The following FER1L5 variants were observed in gnomAD, a reference collection of about 807,000 sequenced individuals.
The protein encoded by FER1L5 is fer-1 like family member 5, also known as fer-1-like protein 5.
In FER1L5, 187 loss-of-function variants were observed where a neutral mutation model predicts 279.9. The ratio of observed to expected loss-of-function variants is 0.67; its 90% confidence interval spans 0.59 to 0.75. The LOEUF (loss-of-function observed/expected upper bound fraction) is 0.75. Ranked by LOEUF, FER1L5 falls within the 30% of genes least tolerant of loss-of-function variation. The pLI is 0.00. For missense variants in FER1L5, 2,091 were observed against 2,594.4 expected, an observed-to-expected ratio of 0.81 and a Z score of 4.21; for synonymous variants, 921 against 989.7, an observed-to-expected ratio of 0.93 and a Z score of 1.30.
rs936225270 is a variant in FER1L5 at position 96,693,904 on chromosome 2, C to T, written c.3475-7C>T. The T allele has an allele frequency of 2.6e-6, 4 of 1,541,540 alleles. No homozygotes were observed. Among genetic ancestry groups the T allele is most frequent in the African/African-American group, 2.7e-5 (2 of 72,848 alleles). The stretch of plus-strand genomic sequence containing the variant: ...GCCTCCATGCTTTGTGAACTTCCCC[C>T]CTCCAGGGCAAGGAGAGCTTGTGGG... On this transcript the variant is annotated splice_polypyrimidine_tract_variant and splice_region_variant and intron_variant, in intron 32 of 52. Transcript: ENST00000624922.
rs758757945 is a variant in FER1L5 at position 96,691,239 on chromosome 2, G to C, written c.2793G>C (p.Trp931Cys). The change falls in exon 28 of 53, where the codon TGG becomes TGC. Residue 931 changes from tryptophan to cysteine, a missense_variant. Coordinates refer to ENST00000624922, the MANE Select transcript of FER1L5 (RefSeq NM_001293083.2). This position sits in a 1 kb window ranked among gnomAD's most constrained non-coding sequence, Gnocchi z 6.0. ...CACCGTCGGGCCTGCCCCAGGTCTGGAGCCCGGTGGAGAAGACCTACCACT... is the reference window on the plus strand; with the variant it reads ...CACCGTCGGGCCTGCCCCAGGTCTGCAGCCCGGTGGAGAAGACCTACCACT... ...GIPPSGLPQV[W>C]SPVEKTYHSC... The C allele has an allele frequency of 6.5e-7, 1 of 1,550,366 alleles. No homozygotes were observed. The highest frequency in any genetic ancestry group is 1.2e-5 in the South Asian group (1 of 84,040).
Position 96,691,555 on chromosome 2 carries a change from G to C in FER1L5, c.3018G>C (p.Arg1006Ser), listed in dbSNP as rs746967232. 1.2e-5 allele frequency: 18 copies of C among 1,549,142 alleles called. No individual in the cohort carries two copies. In the East Asian group the frequency reaches 1.7e-4, roughly 15 times the overall value. Residue 1006 changes from arginine to serine, a missense_variant, in exon 29 of 53, where the codon AGG becomes AGC. Coordinates refer to ENST00000624922, the MANE Select transcript of FER1L5 (RefSeq NM_001293083.2). This position sits in a 1 kb window ranked among gnomAD's most constrained non-coding sequence, Gnocchi z 6.0. The stretch of plus-strand genomic sequence containing the variant: ...TCCGCCGCCGCTGCTGGCGCCGCAG[G>C]CTGGCCCCCAACAAGGACAAGGGCA... Reference protein sequence around the residue: ...SRFRRRCWRRRLAPNKDKGIA... With the variant: ...SRFRRRCWRRSLAPNKDKGIA...
rs1458232124 is a variant in FER1L5, at chr2:96,691,627, G to C, written c.3075+15G>C. On this transcript the variant is annotated intron_variant, in intron 29 of 52. Transcript: ENST00000624922. This position sits in a 1 kb window ranked among gnomAD's most constrained non-coding sequence, Gnocchi z 6.0. Reference sequence around the variant, plus strand: ...AGGGGTCCTTGGTAAAGCCTCACAGGCTGGGTGATGCCTGCCTGTAACCCC... The same window carrying C: ...AGGGGTCCTTGGTAAAGCCTCACAGCCTGGGTGATGCCTGCCTGTAACCCC... 2 of 1,511,414 alleles carry C rather than the reference G, an allele frequency of 1.3e-6. No individual in the cohort carries two copies. The highest frequency in any genetic ancestry group is 2.6e-5 in the South Asian group (2 of 77,406). 93.6% of individuals were successfully genotyped at this position (1,511,414 alleles called of 1,614,324 possible). A position where few individuals can be genotyped will look rare whatever the true frequency, so the allele number is the denominator to read the frequency against.
intron 19 of FER1L5, among the ~76,000 whole-genome samples, chr2:96,673,607 T>C (rs1306681720): frequency 1.3e-5 from 2 of 152,022 alleles, no homozygotes; most frequent in Admixed American, 6.6e-5. Flanking sequence ...ATTCAGCCAC[T>C]CAACTCCCAC....
chr2:96,687,877 T>G lies in FER1L5; in HGVS notation c.2291T>G (p.Leu764Arg). ...GCTCACCTCCGGGTCTGCATGTGGC[T>G]TGGCAATGTCACAGACAGCAAGGAC... The part of the protein sequence containing the change: ...LPAHLRVCMW[L>R]GNVTDSKDLQ... The change falls in exon 24 of 53, where the codon CTT becomes CGT. Residue 764 changes from leucine (L) to arginine (R), a missense_variant. By Grantham distance (102) the Leu-to-Arg change is moderately radical. Transcript: ENST00000624922. 1 of 1,551,202 alleles carries G rather than the reference T, an allele frequency of 6.4e-7. No individual in the cohort carries two copies. The highest frequency in any genetic ancestry group is 8.7e-7 in the Non-Finnish European group (1 of 1,146,958).
intron 19 of FER1L5, among the ~76,000 whole-genome samples, chr2:96,674,090 C>T (rs1173861790): frequency 2.0e-5 from 3 of 152,216 alleles, no homozygotes; most frequent in East Asian, 1.9e-4. Context: ...TTCACAGAGT[C>T]GTACAACCAT....
chr2:96,674,508 G>A (rs946233742), intron 19 of FER1L5, among the ~76,000 whole-genome samples: 1 of 152,176 alleles, frequency 6.6e-6, no homozygotes, highest in African/African-American at 2.4e-5. Flanking sequence ...ACAGGCGTGA[G>A]CCACCGCACC....
At chr2:96,687,132 C>T (rs2076961495) in intron 23 of FER1L5, among the ~76,000 whole-genome samples, 1 of 152,186 alleles carries the variant, frequency 6.6e-6, no homozygotes, top group African/African-American at 2.4e-5. Flanking sequence ...CACTCCCTCC[C>T]CCTTCAGAGA....
intron 45 of FER1L5, among the ~76,000 whole-genome samples, chr2:96,701,128 C>T (rs1221027843): frequency 6.6e-6 from 1 of 152,182 alleles, no homozygotes; most frequent in Non-Finnish European, 1.5e-5. Flanking sequence ...CCCTGGCCAA[C>T]ATGGCAAAAC....
chr2:96,703,842 G>C (rs1197271253), intron 51 of FER1L5, among the ~76,000 whole-genome samples: 1 of 84,178 alleles, frequency 1.2e-5, no homozygotes, highest in Non-Finnish European at 2.2e-5. Context: ...TGAGATAATT[G>C]TCTCACTCTG....
rs923919248 is a variant in FER1L5, at chr2:96,685,963, A to G, written c.1919A>G (p.Tyr640Cys). The G allele has an allele frequency of 6.5e-7, 1 of 1,548,062 alleles. No individual in the cohort carries two copies. Among genetic ancestry groups the G allele is most frequent in the Non-Finnish European group, 8.7e-7 (1 of 1,145,182 alleles). ...AGGCGCCCTCTGCCCTGCATGACCT[A>G]TCAGCCCAAAGCCACCAGCCTGGAC... ...DCKRPLPCMT[Y>C]QPKATSLDRK... Residue 640 changes from tyrosine (Y) to cysteine (C), a missense_variant, in exon 22 of 53, where the codon TAT (tyrosine) becomes TGT (cysteine). Physicochemically the swap from Tyr to Cys is radical, Grantham distance 194. Transcript: ENST00000624922.
At position 96,703,262 on chromosome 2, in the gene FER1L5, C is replaced by T. The variant is rs772627784; in HGVS notation, c.5607C>T (p.Tyr1869=). The change falls in exon 50 of 53, where the codon TAC becomes TAT. Residue 1869 remains tyrosine, a synonymous_variant. Coordinates refer to ENST00000624922, the MANE Select transcript of FER1L5 (RefSeq NM_001293083.2). ...CCAAGTGGCCCTATTTCATCCAATACAAGCACTTCTCCCTCTTTAAGAAGA... is the reference window on the plus strand; with the variant it reads ...CCAAGTGGCCCTATTTCATCCAATATAAGCACTTCTCCCTCTTTAAGAAGA... ...ADPKWPYFIQ[Y]KHFSLFKKKT... 41 of 1,613,842 alleles carry T rather than the reference C, an allele frequency of 2.5e-5. 1 individual carries two copies. In the South Asian group the frequency reaches 2.7e-4, roughly 11 times the overall value.
chr2:96,659,350 C>CTTTCT (rs1558853389), intron 9 of FER1L5, among the ~76,000 whole-genome samples: 2 of 74,960 alleles, frequency 2.7e-5, no homozygotes, highest in East Asian at 9.6e-4. Flanking sequence ...TCCTTCCTTC[C>CTTTCT]TTCCTTCCTT....
intron 32 of FER1L5, 81 bp from the exon 33 acceptor site, chr2:96,693,830 G>T: frequency 6.8e-7 from 1 of 1,478,928 alleles, no homozygotes; most frequent in Non-Finnish European, 9.0e-7. Context: ...CCTGCCAGCT[G>T]TTGCCCTTGC....
At chr2:96,686,710 T>C (rs1488630628) in intron 23 of FER1L5, among the ~76,000 whole-genome samples, 1 of 151,836 alleles carries the variant, frequency 6.6e-6, no homozygotes, top group African/African-American at 2.4e-5. Flanking sequence ...ACAAAAAAAT[T>C]AGCTGGGCAT....
chr2:96,676,469 G>C (rs1355097085), intron 19 of FER1L5, among the ~76,000 whole-genome samples: 1 of 152,114 alleles, frequency 6.6e-6, no homozygotes, highest in Non-Finnish European at 1.5e-5. Context: ...GCCCGGCCTA[G>C]TTGTTCTTTT....
At chr2:96,673,043 T>C (rs1436075391) in intron 18 of FER1L5, 34 bp from the exon 19 acceptor site, 1 of 1,543,496 alleles carries the variant, frequency 6.5e-7, no homozygotes, top group Non-Finnish European at 8.8e-7. Context: ...GCTTATGTAC[T>C]GGGTATGGGG....
At chr2:96,684,028 GACCGCCTGGCTATGCC>G (rs2076830581) in intron 19 of FER1L5, among the ~76,000 whole-genome samples, 1 of 152,210 alleles carries the variant, frequency 6.6e-6, no homozygotes, top group Non-Finnish European at 1.5e-5. Flanking sequence ...CCTGCGTTAT[GACCGCCTGGCTATGCC>G]ACCTCAGGGA....
At chr2:96,667,108 T>C (rs1020373394) in intron 14 of FER1L5, among the ~76,000 whole-genome samples, 1 of 152,156 alleles carries the variant, frequency 6.6e-6, no homozygotes, top group African/African-American at 2.4e-5. Flanking sequence ...CATCTCTTTA[T>C]AGGGACAATC....
Sources: allele counts gnomAD v4.1 joint callset (sites outside exome capture counted in the v4.1 genomes callset), GRCh38; gene constraint gnomAD v4.1.1; non-coding constraint Gnocchi (gnomAD v3.1); transcripts MANE v1.5; gene names NCBI Gene and HGNC (gene_info 2026-07-23, HGNC 2026-07-21).